The following DOCK3 variants were observed in gnomAD, a reference collection of about 807,000 sequenced individuals.
DOCK3 encodes the protein dedicator of cytokinesis protein 3.
In DOCK3, 60 loss-of-function variants were observed where a neutral mutation model predicts 265.6. The ratio of observed to expected loss-of-function variants is 0.23; its 90% confidence interval spans 0.18 to 0.28. The LOEUF (loss-of-function observed/expected upper bound fraction) is 0.28. Ranked by LOEUF, DOCK3 falls within the 10% of genes least tolerant of loss-of-function variation. DOCK3 has a pLI of 1.00. For synonymous variants in DOCK3, 881 were observed against 938.0 expected (o/e 0.94, Z 1.11); for missense variants, 1,981 against 2,594.3 (o/e 0.76, Z 5.14).
At position 51,263,702 on chromosome 3, in the gene DOCK3, C is replaced by T. The variant is rs533043254; in HGVS notation, c.2355+3376C>T. ...TCTCACATGCAAAGACACACATAGG[C>T]TCAAAATACAGGGATGGAGGACTAT... is the stretch of plus-strand genomic sequence containing the variant. On this transcript the variant is annotated intron_variant, in intron 23 of 52. Transcript: ENST00000266037. Among the ~76,000 whole-genome samples the T allele has an allele frequency of 1.1e-4, 17 of 152,226 alleles. No homozygotes were observed. In the South Asian group the frequency reaches 3.5e-3, roughly 32 times the overall value.
chr3:51,024,330 T>C (rs895448889), intron 5 of DOCK3, among the ~76,000 whole-genome samples: 2 of 152,224 alleles, frequency 1.3e-5, no homozygotes, highest in Non-Finnish European at 2.9e-5. Flanking sequence ...TTTTCCCCAG[T>C]ATTTTATTAA....
At chr3:50,796,071 G>A (rs1371140200) in intron 2 of DOCK3, among the ~76,000 whole-genome samples, 1 of 150,726 alleles carries the variant, frequency 6.6e-6, no homozygotes, top group Non-Finnish European at 1.5e-5. Context: ...GACGGAGTCT[G>A]GCTCTGTCCC....
At chr3:50,735,526 C>T (rs1207206855) in intron 1 of DOCK3, among the ~76,000 whole-genome samples, 1 of 152,006 alleles carries the variant, frequency 6.6e-6, no homozygotes, top group African/African-American at 2.4e-5. Flanking sequence ...TTAATAGAGA[C>T]AGGGTTTCAC....
At chr3:51,152,788 C>G (rs2085665973) in intron 10 of DOCK3, among the ~76,000 whole-genome samples, 1 of 152,220 alleles carries the variant, frequency 6.6e-6, no homozygotes, top group South Asian at 2.1e-4. Flanking sequence ...TGCTGGAGGT[C>G]CATTCCAGAC....
At chr3:50,728,733 T>TTA (rs1288242265) in intron 1 of DOCK3, among the ~76,000 whole-genome samples, 1 of 150,848 alleles carries the variant, frequency 6.6e-6, no homozygotes, top group Non-Finnish European at 1.5e-5. Flanking sequence ...ATAGAATTTT[T>TTA]TTTTTTTGAA....
At chr3:50,848,815 C>T (rs148329241) in intron 3 of DOCK3, among the ~76,000 whole-genome samples, 16 of 152,186 alleles carry the variant, frequency 1.1e-4, no homozygotes, top group African/African-American at 3.4e-4. Context: ...CCCTAGAGTT[C>T]TTGTGTCTAG....
chr3:51,079,348 T>C (rs2082151025), intron 7 of DOCK3, among the ~76,000 whole-genome samples: 1 of 152,104 alleles, frequency 6.6e-6, no homozygotes. Context: ...GTTTGTTTGT[T>C]TTGAGACAGA....
At chr3:51,084,881 A>G (rs1576013789) in intron 7 of DOCK3, among the ~76,000 whole-genome samples, 1 of 152,262 alleles carries the variant, frequency 6.6e-6, no homozygotes, top group East Asian at 1.9e-4. Context: ...AAAAATATAG[A>G]CTGCCTGAAT....
intron 4 of DOCK3, among the ~76,000 whole-genome samples, chr3:50,905,246 C>A (rs1198735651): frequency 1.3e-5 from 2 of 152,060 alleles, no homozygotes; most frequent in African/African-American, 4.8e-5. Flanking sequence ...GCAATGTGGG[C>A]CCTTTTTTGG....
intron 1 of DOCK3, among the ~76,000 whole-genome samples, chr3:50,729,881 G>A (rs2038085947): frequency 6.8e-6 from 1 of 146,740 alleles, no homozygotes; most frequent in Non-Finnish European, 1.5e-5. Flanking sequence ...CCAGGCTGGA[G>A]CACAGTGGCA....
intron 1 of DOCK3, among the ~76,000 whole-genome samples, chr3:50,745,445 C>T (rs1339270727): frequency 2.0e-5 from 3 of 152,152 alleles, no homozygotes; most frequent in Admixed American, 1.3e-4. Flanking sequence ...ATGGAATGTC[C>T]TTCCACTAAG....
chr3:51,324,052 G>A (rs563643389), intron 32 of DOCK3, among the ~76,000 whole-genome samples: 3 of 152,226 alleles, frequency 2.0e-5, no homozygotes, highest in South Asian at 2.1e-4. Context: ...CCTATTCAAC[G>A]TAGTATTGGA....
At chr3:51,243,598 T>C (rs1414225184) in intron 21 of DOCK3, among the ~76,000 whole-genome samples, 1 of 152,172 alleles carries the variant, frequency 6.6e-6, no homozygotes, top group Non-Finnish European at 1.5e-5. Context: ...GTTCTTTATA[T>C]ATTCTGGATA....
At chr3:51,376,519 C>T (rs920151099) in intron 51 of DOCK3, among the ~76,000 whole-genome samples, 1 of 152,186 alleles carries the variant, frequency 6.6e-6, no homozygotes, top group African/African-American at 2.4e-5. Context: ...ACCTCAGACA[C>T]GGAGATCTGA....
At chr3:51,350,254 G>C in intron 39 of DOCK3, 34 bp from the exon 40 acceptor site, 9 of 1,577,480 alleles carry the variant, frequency 5.7e-6, no homozygotes, top group Non-Finnish European at 7.7e-6. Flanking sequence ...ACCAACAGCA[G>C]TCAAGCCAAC....
intron 2 of DOCK3, 95 bp from the exon 3 acceptor site, chr3:50,841,580 A>G: frequency 2.2e-6 from 1 of 448,510 alleles, no homozygotes; most frequent in East Asian, 3.7e-5. Flanking sequence ...TTTTAAGGAA[A>G]GATGTGCATT....
At chr3:50,728,350 G>A (rs1046507314) in intron 1 of DOCK3, among the ~76,000 whole-genome samples, 5 of 152,102 alleles carry the variant, frequency 3.3e-5, no homozygotes, top group Non-Finnish European at 5.9e-5. Context: ...AAATACTTAT[G>A]TTAGAAGGAA....
At chr3:51,260,817 A>T (rs1230915884) in intron 23 of DOCK3, among the ~76,000 whole-genome samples, 1 of 151,966 alleles carries the variant, frequency 6.6e-6, no homozygotes, top group Non-Finnish European at 1.5e-5. Context: ...CCCCATCTCT[A>T]CTAAAAATAC....
chr3:50,727,638 C>T (rs2037915405), intron 1 of DOCK3, among the ~76,000 whole-genome samples: 1 of 152,140 alleles, frequency 6.6e-6, no homozygotes. Flanking sequence ...GCAGAGGTTG[C>T]AGTGAGCCAT....
Sources: gnomAD v4.1 joint callset for allele counts (sites outside exome capture counted in the v4.1 genomes callset) on GRCh38, gnomAD v4.1.1 for gene constraint, MANE v1.5 for transcripts, NCBI Gene and HGNC (gene_info 2026-07-23, HGNC 2026-07-21) for gene names.